SLC25A13: variants seen among roughly 807,000 people sequenced by gnomAD.
The protein encoded by SLC25A13 is electrogenic aspartate/glutamate antiporter SLC25A13, mitochondrial.
In SLC25A13, 70 loss-of-function variants were observed where a neutral mutation model predicts 85.5. The observed-to-expected ratio is 0.82, with a 90% CI of 0.68 to 1.00. The LOEUF (loss-of-function observed/expected upper bound fraction) is 1.00. Among genes scored for constraint, SLC25A13 ranks in the 50% least tolerant of loss-of-function variants. The pLI, the probability that SLC25A13 is intolerant of heterozygous loss-of-function variation, is 0.00. For missense variants in SLC25A13, 765 were observed against 819.8 expected (o/e 0.93, Z 0.82); for synonymous variants, 259 against 288.7 (o/e 0.90, Z 1.04).
intron 1 of SLC25A13, among the ~76,000 whole-genome samples, chr7:96,311,753 A>G (rs1799959643): frequency 1.3e-5 from 2 of 152,130 alleles, no homozygotes; most frequent in Non-Finnish European, 2.9e-5. Context: ...ACAAATATAT[A>G]TATATCTGCC....
intron 3 of SLC25A13, among the ~76,000 whole-genome samples, chr7:96,272,275 T>C (rs889963067): frequency 6.6e-6 from 1 of 152,182 alleles, no homozygotes; most frequent in Admixed American, 6.5e-5. Flanking sequence ...CCCATAAACA[T>C]ATTAATGTAT....
chr7:96,182,322 C>T (rs529929517), intron 11 of SLC25A13, among the ~76,000 whole-genome samples: 1 of 152,124 alleles, frequency 6.6e-6, no homozygotes, highest in East Asian at 1.9e-4. Flanking sequence ...AAATGGTTTA[C>T]CAGAAAAGAT....
chr7:96,312,535 T>C (rs1362930717), intron 1 of SLC25A13, among the ~76,000 whole-genome samples: 1 of 152,216 alleles, frequency 6.6e-6, no homozygotes, highest in Non-Finnish European at 1.5e-5. Flanking sequence ...GTCTTTATAT[T>C]ATCTGGTTAT....
intron 12 of SLC25A13, among the ~76,000 whole-genome samples, chr7:96,171,187 G>A (rs147296694): frequency 5.9e-5 from 9 of 152,284 alleles, no homozygotes; most frequent in East Asian, 5.8e-4. Context: ...CGTAATATAC[G>A]TCATGTGCCT....
chr7:96,182,774 A>G (rs1461365177), intron 11 of SLC25A13, among the ~76,000 whole-genome samples: 1 of 152,230 alleles, frequency 6.6e-6, no homozygotes, highest in Admixed American at 6.5e-5. Flanking sequence ...AATCAACTTA[A>G]GCAAATTAAA....
At chr7:96,293,663 A>G (rs1416966811) in intron 2 of SLC25A13, among the ~76,000 whole-genome samples, 2 of 152,270 alleles carry the variant, frequency 1.3e-5, no homozygotes, top group Non-Finnish European at 2.9e-5. Context: ...TATGCAGCCA[A>G]AAGACACATG....
chr7:96,169,222 C>A (rs1211422046), intron 13 of SLC25A13, among the ~76,000 whole-genome samples: 1 of 152,136 alleles, frequency 6.6e-6, no homozygotes, highest in African/African-American at 2.4e-5. Flanking sequence ...ATTCAAGGAT[C>A]TTCAAGAAAA....
intron 13 of SLC25A13, among the ~76,000 whole-genome samples, chr7:96,157,401 C>T (rs566041471): frequency 6.6e-6 from 1 of 152,312 alleles, no homozygotes; most frequent in East Asian, 1.9e-4. Flanking sequence ...TTCTTCTCCT[C>T]CTTACGGTTT....
intron 14 of SLC25A13, among the ~76,000 whole-genome samples, chr7:96,146,141 A>T (rs1224074046): frequency 6.6e-6 from 1 of 152,204 alleles, no homozygotes; most frequent in Non-Finnish European, 1.5e-5. Context: ...TAAGATTTAT[A>T]ATAATTAAGA....
chr7:96,285,857 C>T (rs989322368), intron 2 of SLC25A13, among the ~76,000 whole-genome samples: 1 of 152,156 alleles, frequency 6.6e-6, no homozygotes, highest in African/African-American at 2.4e-5. Flanking sequence ...CAGGAAGCAA[C>T]ACCAAAAGTA....
intron 4 of SLC25A13, among the ~76,000 whole-genome samples, chr7:96,215,085 A>G (rs747335415): frequency 6.6e-6 from 1 of 152,194 alleles, no homozygotes; most frequent in African/African-American, 2.4e-5. Context: ...CAAGCAATTC[A>G]GAAGAGCCAA....
intron 14 of SLC25A13, among the ~76,000 whole-genome samples, chr7:96,133,507 A>G (rs1185810726): frequency 1.3e-5 from 2 of 152,188 alleles, no homozygotes; most frequent in African/African-American, 2.4e-5. Context: ...TCAATACTCT[A>G]AGAGTTTTTT....
At chr7:96,164,262 G>A (rs1046199384) in intron 13 of SLC25A13, among the ~76,000 whole-genome samples, 5 of 152,130 alleles carry the variant, frequency 3.3e-5, no homozygotes, top group Non-Finnish European at 5.9e-5. Flanking sequence ...GGAAGCTCAC[G>A]CAGATATGCC....
intron 13 of SLC25A13, among the ~76,000 whole-genome samples, chr7:96,156,523 C>T (rs1793271026): frequency 6.6e-6 from 1 of 152,026 alleles, no homozygotes; most frequent in African/African-American, 2.4e-5. Flanking sequence ...ATGATCTTAG[C>T]TCACTGCAAG....
chr7:96,241,208 TG>T (rs1357241077), intron 3 of SLC25A13, among the ~76,000 whole-genome samples: 9 of 152,214 alleles, frequency 5.9e-5, no homozygotes, highest in Non-Finnish European at 8.8e-5. Context: ...GGGTAGCCTA[TG>T]GGTTAGCCCT....
chr7:96,313,457 T>C (rs1201383369), intron 1 of SLC25A13, among the ~76,000 whole-genome samples: 1 of 152,232 alleles, frequency 6.6e-6, no homozygotes, highest in African/African-American at 2.4e-5. Context: ...TCATGTCCTT[T>C]GCAACAACAT....
intron 3 of SLC25A13, among the ~76,000 whole-genome samples, chr7:96,245,728 C>T (rs1797164460): frequency 6.6e-6 from 1 of 152,078 alleles, no homozygotes; most frequent in African/African-American, 2.4e-5. Context: ...ACAAAAAACA[C>T]CATAAATACC....
chr7:96,125,992 TC>T (rs917569016), intron 15 of SLC25A13, among the ~76,000 whole-genome samples: 23 of 152,194 alleles, frequency 1.5e-4, no homozygotes, highest in African/African-American at 5.5e-4. Context: ...CTGTTTTCTC[TC>T]TAATTCTTCT....
chr7:96,177,459 A>ACAC (rs1007059424), intron 11 of SLC25A13, among the ~76,000 whole-genome samples: 3 of 152,250 alleles, frequency 2.0e-5, no homozygotes, highest in African/African-American at 7.2e-5. Context: ...GTGATTAGGA[A>ACAC]CACGAGGTCT....
Sources: allele counts gnomAD v4.1 joint callset (sites outside exome capture counted in the v4.1 genomes callset), GRCh38; gene constraint gnomAD v4.1.1; transcripts MANE v1.5; gene names NCBI Gene and HGNC (gene_info 2026-07-23, HGNC 2026-07-21).